The following AGMO variants were observed in gnomAD, a reference collection of about 807,000 sequenced individuals.
AGMO encodes glyceryl-ether monooxygenase.
In AGMO, 75 loss-of-function variants were observed where a neutral mutation model predicts 60.2. The ratio of observed to expected loss-of-function variants is 1.25; its 90% CI spans 1.03 to 1.51. The LOEUF (loss-of-function observed/expected upper bound fraction) is 1.51. AGMO is among the 40% of genes most tolerant of loss of function. The pLI is 0.00. For synonymous variants in AGMO, 261 were observed against 177.1 expected, an observed-to-expected ratio of 1.47 and a Z score of -3.76; for missense variants, 763 against 525.5, an observed-to-expected ratio of 1.45 and a Z score of -4.42.
At chr7:15,334,845 C>T (rs1781604068) in intron 12 of AGMO, among the ~76,000 whole-genome samples, 1 of 152,088 alleles carries the variant, frequency 6.6e-6, no homozygotes, top group Admixed American at 6.6e-5. Flanking sequence ...ATATTTTAAA[C>T]AATAGTAGAG....
intron 3 of AGMO, among the ~76,000 whole-genome samples, chr7:15,461,375 C>G (rs1403343467): frequency 6.6e-6 from 1 of 151,340 alleles, no homozygotes; most frequent in Non-Finnish European, 1.5e-5. Context: ...AGAAACAGCA[C>G]CCTTAATATT....
chr7:15,256,404 G>A (rs188685908), intron 12 of AGMO, among the ~76,000 whole-genome samples: 3 of 152,118 alleles, frequency 2.0e-5, no homozygotes, highest in Admixed American at 1.3e-4. Flanking sequence ...GTACGGTGGC[G>A]CAATCTCGGC....
At chr7:15,317,830 T>G (rs1583400164) in intron 12 of AGMO, among the ~76,000 whole-genome samples, 1 of 145,162 alleles carries the variant, frequency 6.9e-6, no homozygotes, top group East Asian at 2.1e-4. Context: ...ATTGAAAGGT[T>G]TATATTTTTG....
chr7:15,403,197 T>A (rs1784600530), intron 5 of AGMO, among the ~76,000 whole-genome samples: 1 of 151,982 alleles, frequency 6.6e-6, no homozygotes, highest in Admixed American at 6.6e-5. Context: ...CAAAATGAGT[T>A]CCCTTTCCAA....
At chr7:15,503,279 A>G (rs1447611118) in intron 3 of AGMO, among the ~76,000 whole-genome samples, 2 of 152,042 alleles carry the variant, frequency 1.3e-5, no homozygotes, top group East Asian at 3.9e-4. Flanking sequence ...AATGCTCACA[A>G]GCACCTTGAG....
At chr7:15,545,482 T>TCACA (rs1025618188) in intron 2 of AGMO, among the ~76,000 whole-genome samples, 11 of 151,716 alleles carry the variant, frequency 7.3e-5, no homozygotes, top group Admixed American at 2.6e-4. Flanking sequence ...ATTTTCTCTT[T>TCACA]CACACACACA....
intron 12 of AGMO, among the ~76,000 whole-genome samples, chr7:15,299,507 A>G (rs1174522169): frequency 6.6e-6 from 1 of 152,072 alleles, no homozygotes; most frequent in African/African-American, 2.4e-5. Context: ...ACTAAGGGCT[A>G]ATGCTGTGTT....
At chr7:15,143,693 T>A in the AGMO span, among the ~76,000 whole-genome samples, 1 of 151,532 alleles carries the variant, frequency 6.6e-6, no homozygotes, top group Non-Finnish European at 1.5e-5. Flanking sequence ...TTTGTCTTTT[T>A]TTTTTTTTTT....
chr7:15,399,730 A>G (rs2128489250), intron 5 of AGMO, among the ~76,000 whole-genome samples: 1 of 152,288 alleles, frequency 6.6e-6, no homozygotes, highest in Admixed American at 6.5e-5. Context: ...TAAAAGCAAG[A>G]GAAGAGGGAG....
chr7:15,541,033 T>C (rs1408508931), intron 3 of AGMO, among the ~76,000 whole-genome samples: 1 of 152,232 alleles, frequency 6.6e-6, no homozygotes, highest in Non-Finnish European at 1.5e-5. Flanking sequence ...TGAAAATCTT[T>C]ACCTGTTTTC....
intron 12 of AGMO, among the ~76,000 whole-genome samples, chr7:15,355,592 T>C (rs1782499569): frequency 6.6e-6 from 1 of 151,924 alleles, no homozygotes; most frequent in African/African-American, 2.4e-5. Flanking sequence ...TTATAGCCTG[T>C]ATTCATAACC....
chr7:15,309,977 T>C (rs573852310), intron 12 of AGMO, among the ~76,000 whole-genome samples: 3 of 152,148 alleles, frequency 2.0e-5, no homozygotes, highest in Non-Finnish European at 4.4e-5. Context: ...CAGCTTCATA[T>C]AAATTTTATG....
chr7:15,354,505 T>C lies in AGMO; in HGVS notation c.1263+11009A>G, dbSNP rs1349827948. On this transcript the variant is annotated intron_variant, in intron 12 of 12. Transcript: ENST00000342526. ...GTGTATATACACACGTGTATATATA[T>C]ATATATATATATATATATATATATA... is the stretch of plus-strand genomic sequence containing the variant. Among the ~76,000 whole-genome samples, 92 of 42,478 alleles carry C rather than the reference T, an allele frequency of 2.2e-3. 1 individual carries two copies. The highest frequency in any genetic ancestry group is 2.7e-3 in the Non-Finnish European group (60 of 22,170). The allele number at this position is 42,478 out of a possible 152,430, so 27.9% of individuals were successfully genotyped here.
In AGMO at chr7:15,561,748, A is replaced by G; in HGVS notation, c.98T>C (p.Leu33Ser). The G allele has an allele frequency of 6.2e-7, 1 of 1,611,694 alleles. No individual in the cohort carries two copies. The highest frequency in any genetic ancestry group is 2.2e-5 in the East Asian group (1 of 44,814). ...TTTTACATAATCAGGCACCTCTTCT[A>G]ATGTTTGGAATGAAGTTTCACTGGG... The part of the protein sequence containing the change: ...MKPSETSFQT[L>S]EEVPDYVKKA... The change falls in exon 1 of 13, where the codon TTA (leucine) becomes TCA (serine). Residue 33 changes from leucine (L) to serine (S), a missense_variant. Transcript: ENST00000342526.
chr7:15,553,087 C>T (rs1334829100), intron 2 of AGMO, among the ~76,000 whole-genome samples: 12 of 148,488 alleles, frequency 8.1e-5, no homozygotes, highest in South Asian at 2.1e-4. Context: ...AACCAAACAC[C>T]GCATATTCTC....
intron 12 of AGMO, among the ~76,000 whole-genome samples, chr7:15,253,548 G>C (rs1024626110): frequency 6.6e-6 from 1 of 151,992 alleles, no homozygotes; most frequent in East Asian, 1.9e-4. Context: ...AGTCAGGATG[G>C]TATTACATCT....
intron 12 of AGMO, among the ~76,000 whole-genome samples, chr7:15,296,559 C>T (rs554780034): frequency 1.3e-5 from 2 of 152,068 alleles, no homozygotes; most frequent in Admixed American, 1.3e-4. Flanking sequence ...TAAATAAAGT[C>T]TTCCTCATGG....
chr7:15,396,617 C>T (rs1205718363), intron 5 of AGMO: 1 of 152,094 alleles, frequency 6.6e-6, no homozygotes, highest in African/African-American at 2.4e-5. Context: ...CTTATCCGGC[C>T]CCGCCCCCTC....
chr7:15,280,665 G>A (rs1192632824), intron 12 of AGMO, among the ~76,000 whole-genome samples: 1 of 152,164 alleles, frequency 6.6e-6, no homozygotes, highest in East Asian at 1.9e-4. Flanking sequence ...CCACCTCTTG[G>A]CTGGAGGCCA....
Sources: allele counts gnomAD v4.1 joint callset (sites outside exome capture counted in the v4.1 genomes callset), GRCh38; gene constraint gnomAD v4.1.1; transcripts MANE v1.5; gene names NCBI Gene and HGNC (gene_info 2026-07-23, HGNC 2026-07-21).